EYS: variants seen among roughly 807,000 people sequenced by gnomAD.
EYS encodes the protein EGF-like photoreceptor maintenance factor.
EYS carries 250 observed loss-of-function variants against 282.1 expected under a neutral mutation model. The observed-to-expected ratio is 0.89, with a 90% confidence interval of 0.80 to 0.98. The LOEUF (loss-of-function observed/expected upper bound fraction) is 0.98. Ranked by LOEUF, EYS falls within the 50% of genes least tolerant of loss-of-function variation. The pLI is 0.00. For missense variants in EYS, 4,016 were observed against 3,709.0 expected (o/e 1.08, Z -2.15); for synonymous variants, 1,355 against 1,282.9 (o/e 1.06, Z -1.20).
At chr6:65,064,199 T>C (rs1773664194) in intron 12 of EYS, among the ~76,000 whole-genome samples, 3 of 143,378 alleles carry the variant, frequency 2.1e-5, no homozygotes, top group Admixed American at 1.4e-4. Flanking sequence ...TAGTATACTA[T>C]ATATCATATA....
intron 29 of EYS, among the ~76,000 whole-genome samples, chr6:64,335,588 G>A (rs1770820566): frequency 6.6e-6 from 1 of 152,096 alleles, no homozygotes; most frequent in Non-Finnish European, 1.5e-5. Context: ...CTGGACGTAT[G>A]TCCGGCTGAG....
chr6:63,986,227 A>T (rs1404601983), intron 34 of EYS, among the ~76,000 whole-genome samples: 1 of 151,092 alleles, frequency 6.6e-6, no homozygotes. Flanking sequence ...ATGAGATACC[A>T]TCTCACACCA....
intron 36 of EYS, among the ~76,000 whole-genome samples, chr6:63,826,857 AAAAAAAAG>A (rs1203226920): frequency 1.3e-5 from 2 of 150,942 alleles, no homozygotes; most frequent in African/African-American, 4.9e-5. Context: ...AAAAAAAAAA[AAAAAAAAG>A]GACAAAAACA....
Position 65,223,559 on chromosome 6 carries a change from C to A in EYS, c.2023+72304G>T, listed in dbSNP as rs1358408252. Reference sequence around the variant, plus strand: ...AGGCAAAAATGACTGTTTTCAAAGACATATGATGTGTGTTGATATGTTTGG... The same window carrying A: ...AGGCAAAAATGACTGTTTTCAAAGAAATATGATGTGTGTTGATATGTTTGG... On this transcript the variant is annotated intron_variant, in intron 12 of 42. Coordinates refer to ENST00000503581, the MANE Select transcript of EYS (RefSeq NM_001142800.2). 2.0e-5 allele frequency among the ~76,000 whole-genome samples: 3 copies of A among 152,152 alleles called. No homozygotes were observed. In the East Asian group the frequency reaches 5.8e-4, roughly 29 times the overall value.
intron 31 of EYS, among the ~76,000 whole-genome samples, chr6:64,212,404 C>G (rs769482021): frequency 5.9e-5 from 9 of 151,532 alleles, no homozygotes; most frequent in Non-Finnish European, 1.2e-4. Flanking sequence ...TGACAAAATG[C>G]TAATTTTATA....
At chr6:64,703,027 C>A (rs1413550909) in intron 22 of EYS, among the ~76,000 whole-genome samples, 1 of 152,030 alleles carries the variant, frequency 6.6e-6, no homozygotes, top group East Asian at 1.9e-4. Flanking sequence ...TTTTTTCACA[C>A]TCTCAAGAAC....
intron 15 of EYS, among the ~76,000 whole-genome samples, chr6:64,930,830 G>A (rs892103806): frequency 6.6e-6 from 1 of 152,154 alleles, no homozygotes; most frequent in African/African-American, 2.4e-5. Flanking sequence ...AGGCAGCAAA[G>A]AGCCAGATGC....
At chr6:64,166,492 T>G (rs1257082945) in intron 31 of EYS, among the ~76,000 whole-genome samples, 1 of 152,174 alleles carries the variant, frequency 6.6e-6, no homozygotes, top group African/African-American at 2.4e-5. Context: ...TTTTATAGTC[T>G]GTAGAAAAAT....
chr6:64,262,806 C>T (rs1481717480), intron 30 of EYS, among the ~76,000 whole-genome samples: 1 of 151,504 alleles, frequency 6.6e-6, no homozygotes, highest in Non-Finnish European at 1.5e-5. Context: ...CCAAGACTTA[C>T]CCAGTATGTC....
chr6:64,878,483 A>T (rs1766818631), intron 19 of EYS, among the ~76,000 whole-genome samples: 1 of 152,166 alleles, frequency 6.6e-6, no homozygotes, highest in South Asian at 2.1e-4. Flanking sequence ...AAGCTAGAAT[A>T]GTAGGCTAGG....
chr6:65,222,325 G>A (rs1265533070), intron 12 of EYS, among the ~76,000 whole-genome samples: 2 of 152,152 alleles, frequency 1.3e-5, no homozygotes, highest in African/African-American at 4.8e-5. Flanking sequence ...GGAGGCAATT[G>A]AATCATGGGG....
At chr6:64,668,045 G>T (rs1479406732) in intron 22 of EYS, among the ~76,000 whole-genome samples, 1 of 152,110 alleles carries the variant, frequency 6.6e-6, no homozygotes, top group Non-Finnish European at 1.5e-5. Flanking sequence ...TAACTTCTCA[G>T]ATAAGGTTAC....
intron 22 of EYS, among the ~76,000 whole-genome samples, chr6:64,654,922 C>A (rs969287962): frequency 6.6e-6 from 1 of 152,128 alleles, no homozygotes; most frequent in Admixed American, 6.6e-5. Context: ...TTAATCATCC[C>A]GGACCACAGG....
chr6:65,600,089 T>A (rs1286774057), intron 2 of EYS, among the ~76,000 whole-genome samples: 1 of 152,082 alleles, frequency 6.6e-6, no homozygotes, highest in African/African-American at 2.4e-5. Flanking sequence ...CTGTCACTTA[T>A]GAGCTCTCAC....
rs1766194071 is a variant in EYS at position 65,494,994 on chromosome 6, C to T, written c.417G>A (p.Lys139=). The T allele has an allele frequency of 6.2e-7, 1 of 1,614,146 alleles. No homozygotes were observed. The highest frequency in any genetic ancestry group is 1.7e-5 in the Admixed American group (1 of 59,986). The change falls in exon 4 of 43, where the codon AAG becomes AAA. Residue 139 remains lysine, a synonymous_variant. Coordinates refer to ENST00000503581, the MANE Select transcript of EYS (RefSeq NM_001142800.2). ...AATAATGTGTCCCAACACTCAGCCACTTAGAATTAACAGTGTGCATTCCTT... is the reference window on the plus strand; with the variant it reads ...AATAATGTGTCCCAACACTCAGCCATTTAGAATTAACAGTGTGCATTCCTT... ...RLKGMHTVNS[K]WLSVGTHYFI... is the part of the protein sequence containing the mutation.
intron 26 of EYS, among the ~76,000 whole-genome samples, chr6:64,466,695 A>G (rs113991118): frequency 0.01 from 1,562 of 152,236 alleles, 28 homozygotes; most frequent in African/African-American, 0.035. Context: ...TCTAGTTAAT[A>G]ACAATATATT....
intron 26 of EYS, among the ~76,000 whole-genome samples, chr6:64,525,961 G>A (rs1777904328): frequency 1.3e-5 from 2 of 150,818 alleles, no homozygotes; most frequent in South Asian, 4.2e-4. Context: ...AAAAATACTG[G>A]AAAAAAAACC....
At chr6:64,574,033 C>A in intron 26 of EYS, among the ~76,000 whole-genome samples, 1 of 152,150 alleles carries the variant, frequency 6.6e-6, no homozygotes, top group Non-Finnish European at 1.5e-5. Context: ...ACCCAAATGC[C>A]CATCAATGAT....
chr6:65,012,734 C>A (rs1455761699), intron 13 of EYS, among the ~76,000 whole-genome samples: 1 of 147,486 alleles, frequency 6.8e-6, no homozygotes, highest in Non-Finnish European at 1.5e-5. Context: ...AAATTGATAT[C>A]ATTAGTGTCC....
Sources: allele counts gnomAD v4.1 joint callset (sites outside exome capture counted in the v4.1 genomes callset), GRCh38; gene constraint gnomAD v4.1.1; transcripts MANE v1.5; gene names NCBI Gene and HGNC (gene_info 2026-07-23, HGNC 2026-07-21).